Variants in KCNIP4 observed in about 807,000 individuals in gnomAD.
KCNIP4 encodes Kv channel-interacting protein 4.
A neutral mutation model predicts 34.0 loss-of-function variants in KCNIP4; 12 were observed. That is an observed-to-expected ratio of 0.35 (90% CI 0.23 to 0.57). KCNIP4 has a LOEUF of 0.57. Among genes scored for constraint, KCNIP4 ranks in the 20% least tolerant of loss-of-function variants. The pLI is 0.83. For synonymous variants in KCNIP4, 124 were observed against 102.2 expected (o/e 1.21, Z -1.29); for missense variants, 238 against 311.7 (o/e 0.76, Z 1.78).
chr4:21,015,930 A>T (rs971746479), intron 1 of KCNIP4, among the ~76,000 whole-genome samples: 2 of 143,446 alleles, frequency 1.4e-5, no homozygotes, highest in African/African-American at 5.1e-5. Flanking sequence ...ATATATATAA[A>T]TTTTTTTTTA....
intron 1 of KCNIP4, among the ~76,000 whole-genome samples, chr4:21,902,602 G>C (rs1727769396): frequency 6.6e-6 from 1 of 152,028 alleles, no homozygotes; most frequent in African/African-American, 2.4e-5. Context: ...CAAGGAAATT[G>C]CAAGTGAGAG....
At chr4:21,588,920 C>A (rs1436118129) in intron 1 of KCNIP4, among the ~76,000 whole-genome samples, 2 of 151,216 alleles carry the variant, frequency 1.3e-5, no homozygotes, top group Non-Finnish European at 3.0e-5. Flanking sequence ...ACACAGCAGG[C>A]CTGGTAGAAC....
intron 1 of KCNIP4, among the ~76,000 whole-genome samples, chr4:21,110,316 G>A (rs1749041958): frequency 6.6e-6 from 1 of 152,086 alleles, no homozygotes; most frequent in African/African-American, 2.4e-5. Context: ...GGCTAATGAG[G>A]AAAGAAAAAA....
intron 1 of KCNIP4, among the ~76,000 whole-genome samples, chr4:21,615,544 T>A (rs1412474323): frequency 1.4e-5 from 2 of 138,042 alleles, no homozygotes; most frequent in Non-Finnish European, 3.1e-5. Flanking sequence ...AGACTCCGCC[T>A]CAAAAAAACA....
intron 8 of KCNIP4, among the ~76,000 whole-genome samples, chr4:20,730,900 G>C (rs868470040): frequency 6.6e-6 from 1 of 152,006 alleles, no homozygotes; most frequent in Non-Finnish European, 1.5e-5. Flanking sequence ...TAGAAACCAA[G>C]TAACATCACC....
intron 1 of KCNIP4, among the ~76,000 whole-genome samples, chr4:21,535,738 C>T (rs1737106276): frequency 1.3e-5 from 2 of 152,070 alleles, no homozygotes; most frequent in South Asian, 4.1e-4. Flanking sequence ...TATGTTATTC[C>T]TTACTTTTGG....
intron 1 of KCNIP4, among the ~76,000 whole-genome samples, chr4:21,822,920 T>C (rs1471847298): frequency 1.3e-5 from 2 of 152,056 alleles, no homozygotes; most frequent in Non-Finnish European, 2.9e-5. Context: ...GGTTTCACCA[T>C]GTTGGCCAGG....
At chr4:21,809,930 A>G (rs1456808936) in intron 1 of KCNIP4, among the ~76,000 whole-genome samples, 2 of 152,188 alleles carry the variant, frequency 1.3e-5, no homozygotes, top group African/African-American at 2.4e-5. Context: ...TAAGGCATTA[A>G]TCCAATTATC....
At chr4:20,969,365 T>A (rs1734694573) in intron 1 of KCNIP4, among the ~76,000 whole-genome samples, 1 of 152,150 alleles carries the variant, frequency 6.6e-6, no homozygotes, top group East Asian at 1.9e-4. Context: ...AAGACAAAGT[T>A]TCTTGGAATC....
intron 3 of KCNIP4, among the ~76,000 whole-genome samples, chr4:20,765,845 C>A (rs1254995389): frequency 6.6e-6 from 1 of 152,168 alleles, no homozygotes; most frequent in East Asian, 1.9e-4. Flanking sequence ...TGGGGCCTTA[C>A]TGCTGTGTTC....
chr4:21,923,387 G>T (rs1467354581), intron 1 of KCNIP4, among the ~76,000 whole-genome samples: 1 of 152,116 alleles, frequency 6.6e-6, no homozygotes, highest in African/African-American at 2.4e-5. Context: ...TTCGAGACCA[G>T]CCTGGCCAAC....
intron 1 of KCNIP4, among the ~76,000 whole-genome samples, chr4:21,833,892 A>T (rs1475411013): frequency 6.6e-6 from 1 of 152,160 alleles, no homozygotes; most frequent in Non-Finnish European, 1.5e-5. Context: ...ATCAAAGATC[A>T]GATAGTTGTA....
chr4:20,803,663 AAGAGAAAGAAAG>A (rs1275342457), intron 3 of KCNIP4, among the ~76,000 whole-genome samples: 5 of 139,230 alleles, frequency 3.6e-5, no homozygotes, highest in Non-Finnish European at 7.6e-5. Flanking sequence ...ATCTCAATGA[AAGAGAAAGAAAG>A]AGAGAAAGAG....
At chr4:21,137,115 G>T (rs551555947) in intron 1 of KCNIP4, among the ~76,000 whole-genome samples, 2 of 152,098 alleles carry the variant, frequency 1.3e-5, no homozygotes. Context: ...GAACAAGAGG[G>T]ATTAGGGTTG....
At chr4:21,673,081 C>T (rs556715115) in intron 1 of KCNIP4, among the ~76,000 whole-genome samples, 1 of 152,286 alleles carries the variant, frequency 6.6e-6, no homozygotes, top group South Asian at 2.1e-4. Flanking sequence ...GGCATAGCAT[C>T]ATGATTGCCA....
chr4:20,977,836 C>G (rs1370208435), intron 1 of KCNIP4, among the ~76,000 whole-genome samples: 2 of 152,142 alleles, frequency 1.3e-5, no homozygotes, highest in African/African-American at 2.4e-5. Flanking sequence ...CTTTTTGCAG[C>G]CTTCCCCAAA....
chr4:21,449,165 A>G (rs1017007469), intron 1 of KCNIP4, among the ~76,000 whole-genome samples: 1 of 152,176 alleles, frequency 6.6e-6, no homozygotes, highest in Non-Finnish European at 1.5e-5. Flanking sequence ...AGCCACAGAG[A>G]GTTATTCCCA....
At chr4:21,864,420 T>C (rs1434680910) in intron 1 of KCNIP4, among the ~76,000 whole-genome samples, 1 of 152,230 alleles carries the variant, frequency 6.6e-6, no homozygotes, top group Non-Finnish European at 1.5e-5. Context: ...ATTTCATTTT[T>C]GCATGTGTGC....
At chr4:21,534,994 AT>A (rs1431935981) in intron 1 of KCNIP4, among the ~76,000 whole-genome samples, 1 of 151,900 alleles carries the variant, frequency 6.6e-6, no homozygotes, top group Non-Finnish European at 1.5e-5. Context: ...ATCCCTTTCC[AT>A]TCCATCTCAT....
Sources: gnomAD v4.1 joint callset for allele counts (sites outside exome capture counted in the v4.1 genomes callset) on GRCh38, gnomAD v4.1.1 for gene constraint, MANE v1.5 for transcripts, NCBI Gene and HGNC (gene_info 2026-07-23, HGNC 2026-07-21) for gene names.